The following CCDC154 variants were observed in gnomAD, a reference collection of about 807,000 sequenced individuals.
The protein encoded by CCDC154 is coiled-coil domain-containing protein 154.
A neutral mutation model predicts 87.5 loss-of-function variants in CCDC154; 91 were observed. That is an observed-to-expected ratio of 1.04 (90% CI 0.88 to 1.24). The LOEUF (loss-of-function observed/expected upper bound fraction) is 1.24, where lower values mean the gene tolerates loss of function less well. Ranked by LOEUF, CCDC154 falls within the 50% of genes most tolerant of loss-of-function variation. CCDC154 has a pLI of 0.00. For synonymous variants in CCDC154, 418 were observed against 400.4 expected (o/e 1.04, Z -0.52); for missense variants, 903 against 879.2 (o/e 1.03, Z -0.34).
chr16:1,443,746 A>AGGCGGC, intron 2 of CCDC154, 50 bp downstream of exon 2: 6 of 1,303,208 alleles, frequency 4.6e-6, no homozygotes, highest in Non-Finnish European at 6.0e-6. Flanking sequence ...GTGGAGGCGG[A>AGGCGGC]GGCGGCGGCG....
chr16:1,444,093 G>A (rs1164303739), intron 1 of CCDC154, 81 bp from the exon 2 acceptor site: 9 of 1,142,566 alleles, frequency 7.9e-6, no homozygotes, highest in African/African-American at 3.2e-5. Flanking sequence ...CCAAACCCCC[G>A]CAGGACCCTC....
At chr16:1,436,177 G>T in intron 13 of CCDC154, 91 bp from the exon 14 acceptor site, 1 of 1,107,922 alleles carries the variant, frequency 9.0e-7, no homozygotes, top group Non-Finnish European at 1.3e-6. Flanking sequence ...AGCCACCACA[G>T]GGTTAAGGAG....
intron 6 of CCDC154, among the ~76,000 whole-genome samples, chr16:1,441,178 C>T (rs931293923): frequency 6.4e-4 from 98 of 152,336 alleles, no homozygotes; most frequent in Non-Finnish European, 1.2e-3. Flanking sequence ...AGCACTCAGA[C>T]ACCCGGACTC....
At chr16:1,444,179 G>T in intron 1 of CCDC154, 137 bp downstream of exon 1, 2 of 1,075,076 alleles carry the variant, frequency 1.9e-6, no homozygotes, top group South Asian at 1.5e-5. Flanking sequence ...CAAGTCCAGG[G>T]CCCTGCCTGA....
At position 1,438,829 on chromosome 16, in the gene CCDC154, G is replaced by A; in HGVS notation, c.892C>T (p.Gln298Ter). 1 of 1,545,144 alleles carries A rather than the reference G, an allele frequency of 6.5e-7. No homozygotes were observed. Among genetic ancestry groups the A allele is most frequent in the Non-Finnish European group, 8.7e-7 (1 of 1,145,348 alleles). Residue 298 changes from glutamine to a stop codon, truncating the protein, a stop_gained, in exon 8 of 17, where the codon CAG (glutamine) becomes TAG (stop). Transcript: ENST00000389176. LOFTEE classifies it high-confidence loss of function. ...GLMEERLRAL[Q>*]GQHEESHLLE... ...CCCGGCCCCACCTCATGCTGCCCCTGCAGGGCCCGCAGGCGCTCCTCCATC... is the reference window on the plus strand; with the variant it reads ...CCCGGCCCCACCTCATGCTGCCCCTACAGGGCCCGCAGGCGCTCCTCCATC...
intron 6 of CCDC154, among the ~76,000 whole-genome samples, chr16:1,441,016 G>A (rs894591555): frequency 8.5e-5 from 13 of 152,056 alleles, no homozygotes; most frequent in African/African-American, 2.4e-4. Flanking sequence ...CTACTGGGAA[G>A]GCTAAGGCAA....
Position 1,436,507 on chromosome 16 carries a change from G to A in CCDC154, c.1425C>T (p.Ser475=), listed in dbSNP as rs200290023. 1,080 of 1,549,036 alleles carry A rather than the reference G, an allele frequency of 7.0e-4. 3 individuals carry two copies. Among genetic ancestry groups the A allele is most frequent in the Middle Eastern group, 3.8e-3 (23 of 5,990 alleles). The change falls in exon 13 of 17, where the codon TCC becomes TCT. Residue 475 remains serine (S), a synonymous_variant. Transcript: ENST00000389176. ...DGLPQQIESV[S]DKCLLHKSDS... Reference sequence around the variant, plus strand: ...CGCTCTTATGAAGCAGGCACTTGTCGGAGACACTCTCTATCTGAACACAGA... The same window carrying A: ...CGCTCTTATGAAGCAGGCACTTGTCAGAGACACTCTCTATCTGAACACAGA...
Position 1,434,782 on chromosome 16 carries a change from G to A in CCDC154, c.1763C>T (p.Pro588Leu), listed in dbSNP as rs781329175. The change falls in exon 16 of 17, where the codon CCG becomes CTG. Residue 588 changes from proline (P) to leucine (L), a missense_variant. Pro to Leu is a moderately conservative substitution (Grantham distance 98). Coordinates refer to ENST00000389176, the MANE Select transcript of CCDC154 (RefSeq NM_001143980.3). ...RLWSEEGPRTPLGSWKALPSL... is the reference protein window; with the variant it reads ...RLWSEEGPRTLLGSWKALPSL... ...TGGGAGCGCCTTCCAGCTGCCCAGC[G>A]GCGTCCGCGGGCCCTCCTCACTCCA... is the stretch of plus-strand genomic sequence containing the variant. 5.4e-5 allele frequency: 83 copies of A among 1,541,898 alleles called. No homozygotes were observed. Among genetic ancestry groups the A allele is most frequent in the East Asian group, 1.2e-4 (5 of 40,892 alleles).
At chr16:1,437,128 T>G in intron 11 of CCDC154, 2 of 385,918 alleles carry the variant, frequency 5.2e-6, no homozygotes, top group Non-Finnish European at 9.5e-6. Context: ...GCAGCCGCGC[T>G]CGCGTGTCGG....
At chr16:1,435,529 G>A (rs2038493746) in intron 14 of CCDC154, among the ~76,000 whole-genome samples, 1 of 150,960 alleles carries the variant, frequency 6.6e-6, no homozygotes. Context: ...TTTTTGTTTT[G>A]TTTTGTTTTG....
chr16:1,436,393 CA>C, intron 13 of CCDC154, 51 bp downstream of exon 13: 1 of 1,424,198 alleles, frequency 7.0e-7, no homozygotes, highest in Non-Finnish European at 9.6e-7. Context: ...CGGCCCAGCC[CA>C]GTAACGGTCA....
At chr16:1,437,736 C>T in intron 11 of CCDC154, 81 bp downstream of exon 11, 1 of 1,443,968 alleles carries the variant, frequency 6.9e-7, no homozygotes, top group Non-Finnish European at 9.2e-7. Flanking sequence ...GGCCTCTACC[C>T]TGGGGGCAGT....
chr16:1,443,629 C>T lies in CCDC154; in HGVS notation c.291G>A (p.Thr97=), dbSNP rs1280190790. Residue 97 remains threonine (T), a synonymous_variant, in exon 3 of 17, where the codon ACG becomes ACA. Coordinates refer to ENST00000389176, the MANE Select transcript of CCDC154 (RefSeq NM_001143980.3). ...REHKQRCERA[T]RSLLRELLQV... ...GGAGCAGCTCCCGCAGCAGGCTCCG[C>T]GTGGCGCGCTCACAGCGCTGCTTGT... 1.2e-5 allele frequency: 17 copies of T among 1,385,828 alleles called. No individual in the cohort carries two copies. Among genetic ancestry groups the T allele is most frequent in the African/African-American group, 4.4e-5 (3 of 68,834 alleles). 85.8% of individuals were successfully genotyped at this position (1,385,828 alleles called of 1,614,324 possible). A position where few individuals can be genotyped will look rare whatever the true frequency, so the allele number is the denominator to read the frequency against.
At chr16:1,437,722 G>C (rs1260271733) in intron 11 of CCDC154, 95 bp downstream of exon 11, 1 of 1,391,400 alleles carries the variant, frequency 7.2e-7, no homozygotes, top group Non-Finnish European at 9.5e-7. Flanking sequence ...GGACCGGCCT[G>C]TCAGGCCTCT....
At chr16:1,437,448 C>G (rs2038512247) in intron 11 of CCDC154, 2 of 235,746 alleles carry the variant, frequency 8.5e-6, no homozygotes, top group South Asian at 2.3e-4. Context: ...TGTGCACGTT[C>G]ACGGGTGAAC....
chr16:1,440,643 C>T (rs995653881), intron 6 of CCDC154, among the ~76,000 whole-genome samples: 8 of 151,266 alleles, frequency 5.3e-5, no homozygotes, highest in Non-Finnish European at 7.4e-5. Context: ...CCCGTCTCTA[C>T]AAAACATCAA....
chr16:1,438,767 C>G (rs11860973), intron 8 of CCDC154, 30 bp from the exon 9 acceptor site: 1 of 1,545,522 alleles, frequency 6.5e-7, no homozygotes. Flanking sequence ...GCCCTGAGAC[C>G]TGCACCCCGG....
At chr16:1,435,040 AGGGAGC>A in intron 15 of CCDC154, 43 bp downstream of exon 15, 1 of 1,520,208 alleles carries the variant, frequency 6.6e-7, no homozygotes, top group Non-Finnish European at 8.9e-7. Context: ...GGCAGGGCTG[AGGGAGC>A]GGGTGGGAGC....
chr16:1,437,624 C>T, intron 11 of CCDC154, 193 bp downstream of exon 11: 1 of 637,204 alleles, frequency 1.6e-6, no homozygotes, highest in Non-Finnish European at 2.5e-6. Flanking sequence ...CGAGGCTGCT[C>T]AGCGGCTGTC....
Sources: gnomAD v4.1 joint callset for allele counts (sites outside exome capture counted in the v4.1 genomes callset) on GRCh38, gnomAD v4.1.1 for gene constraint, MANE v1.5 for transcripts, NCBI Gene and HGNC (gene_info 2026-07-23, HGNC 2026-07-21) for gene names.